DDX1: variants seen among roughly 807,000 people sequenced by gnomAD.
DDX1 encodes DEAD-box helicase 1.
Under a neutral mutation model 108.7 loss-of-function variants are expected in DDX1, and 28 were observed. That is an observed-to-expected ratio of 0.26 (90% CI 0.19 to 0.35). DDX1 has a LOEUF of 0.35. DDX1 is among the 10% of genes least tolerant of loss of function. The pLI, the probability that DDX1 is intolerant of heterozygous loss-of-function variation, is 1.00. For missense variants in DDX1, 710 were observed against 884.5 expected, an observed-to-expected ratio of 0.80 and a Z score of 2.50; for synonymous variants, 295 against 288.9, an observed-to-expected ratio of 1.02 and a Z score of -0.21.
chr2:15,607,594 T>G (rs1665685868), intron 13 of DDX1, among the ~76,000 whole-genome samples: 1 of 151,878 alleles, frequency 6.6e-6, no homozygotes, highest in Non-Finnish European at 1.5e-5. Context: ...TAATTTTTGG[T>G]TTTTTTTCTG....
intron 10 of DDX1, 28 bp from the exon 11 acceptor site, chr2:15,605,922 A>T: frequency 7.2e-7 from 1 of 1,381,804 alleles, no homozygotes; most frequent in Non-Finnish European, 9.9e-7. Flanking sequence ...TGATTGTTTT[A>T]ATCTCTCTCT....
intron 13 of DDX1, among the ~76,000 whole-genome samples, chr2:15,611,608 A>G (rs1485723845): frequency 2.4e-4 from 20 of 83,972 alleles, no homozygotes; most frequent in South Asian, 4.6e-4. Flanking sequence ...GGCCGGGCAG[A>G]GGGGCTCCTC....
rs1217930789 is a variant in DDX1, at chr2:15,629,800, T to TA, written c.1971+105dup. 6 of 1,070,522 alleles carry TA rather than the reference T, an allele frequency of 5.6e-6. No individual in the cohort carries two copies. In the African/African-American group the frequency reaches 9.8e-5, roughly 18 times the overall value. 66.3% of individuals were successfully genotyped at this position (1,070,522 alleles called of 1,614,324 possible). On this transcript the variant is annotated intron_variant, in intron 24 of 25. Coordinates refer to ENST00000233084, the MANE Select transcript of DDX1 (RefSeq NM_004939.3). ...TTGGCTTTTATCTGTTTGTCACTTA[T>TA]AAGGGAAAGTCGTAGTTGGTTATAA...
intron 16 of DDX1, 105 bp from the exon 17 acceptor site, chr2:15,620,103 C>T: frequency 9.5e-7 from 1 of 1,052,728 alleles, no homozygotes; most frequent in Non-Finnish European, 1.4e-6. Flanking sequence ...TTGAACTTAT[C>T]TTTGGAGTCT....
At chr2:15,625,410 G>A (rs1231890526) in intron 19 of DDX1, among the ~76,000 whole-genome samples, 1 of 152,070 alleles carries the variant, frequency 6.6e-6, no homozygotes, top group Non-Finnish European at 1.5e-5. Flanking sequence ...CTTAAGATTT[G>A]TAGATTTCTT....
chr2:15,622,960 C>T (rs1383431454), intron 18 of DDX1, among the ~76,000 whole-genome samples: 7 of 151,980 alleles, frequency 4.6e-5, no homozygotes, highest in East Asian at 3.8e-4. Flanking sequence ...GTTTTTACTG[C>T]GTAGAGTGAA....
chr2:15,602,867 C>A (rs564335721), intron 7 of DDX1, among the ~76,000 whole-genome samples: 1 of 152,140 alleles, frequency 6.6e-6, no homozygotes, highest in Non-Finnish European at 1.5e-5. Context: ...GCGCCCACCA[C>A]CATGCCTGGC....
intron 25 of DDX1, 94 bp from the exon 26 acceptor site, chr2:15,630,682 C>A: frequency 1.5e-6 from 2 of 1,341,874 alleles, no homozygotes; most frequent in South Asian, 3.0e-5. Flanking sequence ...TTGCTGCAAG[C>A]AAAGTTTAAA....
intron 23 of DDX1, among the ~76,000 whole-genome samples, chr2:15,629,119 A>G (rs991886167): frequency 1.7e-4 from 26 of 152,296 alleles, no homozygotes; most frequent in Admixed American, 1.2e-3. Context: ...GCCATGGAAG[A>G]CCTTTCATGG....
intron 8 of DDX1, among the ~76,000 whole-genome samples, 184 bp downstream of exon 8, chr2:15,603,459 A>G (rs545990989): frequency 6.6e-6 from 1 of 152,364 alleles, no homozygotes; most frequent in South Asian, 2.1e-4. Context: ...AAAAGTACAG[A>G]TATTATAGCA....
At chr2:15,613,620 G>A (rs1293847324) in intron 14 of DDX1, among the ~76,000 whole-genome samples, 1 of 152,150 alleles carries the variant, frequency 6.6e-6, no homozygotes, top group Non-Finnish European at 1.5e-5. Flanking sequence ...AACAAAAGTA[G>A]AGGTAAAATA....
chr2:15,612,305 G>C (rs1294158919), intron 13 of DDX1, among the ~76,000 whole-genome samples: 1 of 151,562 alleles, frequency 6.6e-6, no homozygotes. Flanking sequence ...CGGCCGGGTA[G>C]AGGCGCTCCT....
At position 15,607,244 on chromosome 2, in the gene DDX1, G is replaced by A. The variant is rs1463608037; in HGVS notation, c.887G>A (p.Arg296Gln). 2.5e-6 allele frequency: 4 copies of A among 1,613,474 alleles called. No homozygotes were observed. Among genetic ancestry groups the A allele is most frequent in the South Asian group, 1.1e-5 (1 of 91,076 alleles). ...AAAGCTCTCATTGTTGAACCTTCCC[G>A]GGAGTTAGCTGAACAAACTTTGAAC... ...APKALIVEPSRELAEQTLNNI... is the reference protein window; with the variant it reads ...APKALIVEPSQELAEQTLNNI... Residue 296 changes from arginine to glutamine, a missense_variant, in exon 13 of 26, where the codon CGG (arginine) becomes CAG (glutamine). Arg to Gln is a conservative substitution (Grantham distance 43). Coordinates refer to ENST00000233084, the MANE Select transcript of DDX1 (RefSeq NM_004939.3).
chr2:15,627,213 T>A, intron 20 of DDX1, 68 bp downstream of exon 20: 1 of 846,440 alleles, frequency 1.2e-6, no homozygotes, highest in Non-Finnish European at 1.9e-6. Flanking sequence ...TTAAGCAGTT[T>A]TAATTAATAT....
At chr2:15,607,667 A>G (rs1009327409) in intron 13 of DDX1, among the ~76,000 whole-genome samples, 26 of 152,046 alleles carry the variant, frequency 1.7e-4, no homozygotes, top group South Asian at 1.7e-3. Flanking sequence ...GCTCACTGCA[A>G]CCTTGACCTC....
At chr2:15,612,182 G>A (rs1200090178) in intron 13 of DDX1, among the ~76,000 whole-genome samples, 2 of 151,098 alleles carry the variant, frequency 1.3e-5, no homozygotes, top group African/African-American at 2.4e-5. Context: ...CTGGCCTGGC[G>A]GTGGGTGACC....
intron 14 of DDX1, among the ~76,000 whole-genome samples, chr2:15,616,909 TAG>T (rs1665904053): frequency 6.6e-6 from 1 of 151,948 alleles, no homozygotes; most frequent in African/African-American, 2.4e-5. Flanking sequence ...CAGAGCAGAG[TAG>T]TGGTGGAACT....
At chr2:15,607,344 T>C in intron 13 of DDX1, 31 bp downstream of exon 13, 1 of 1,606,826 alleles carries the variant, frequency 6.2e-7, no homozygotes, top group East Asian at 2.2e-5. Flanking sequence ...GAAATGCTTA[T>C]TGTCTTTTGG....
chr2:15,628,219 C>T (rs540530113), intron 20 of DDX1, among the ~76,000 whole-genome samples: 1 of 151,988 alleles, frequency 6.6e-6, no homozygotes, highest in Non-Finnish European at 1.5e-5. Context: ...AAAAGAAAAG[C>T]AAAAATGAAC....
Sources: gnomAD v4.1 joint callset for allele counts (sites outside exome capture counted in the v4.1 genomes callset) on GRCh38, gnomAD v4.1.1 for gene constraint, MANE v1.5 for transcripts, NCBI Gene and HGNC (gene_info 2026-07-23, HGNC 2026-07-21) for gene names.